Variants in RSPO2 observed in about 807,000 individuals in gnomAD.
RSPO2 encodes R-spondin 2.
RSPO2 carries 14 observed loss-of-function variants against 30.9 expected under a neutral mutation model. The observed-to-expected ratio is 0.45, with a 90% confidence interval of 0.30 to 0.71. The LOEUF (loss-of-function observed/expected upper bound fraction) is 0.71. Among genes scored for constraint, RSPO2 ranks in the 30% least tolerant of loss-of-function variants. The pLI is 0.08. For synonymous variants in RSPO2, 107 were observed against 96.4 expected, an observed-to-expected ratio of 1.11 and a Z score of -0.64; for missense variants, 264 against 301.9, an observed-to-expected ratio of 0.87 and a Z score of 0.93.
intron 5 of RSPO2, among the ~76,000 whole-genome samples, chr8:107,917,886 T>G (rs1198373314): frequency 6.6e-6 from 1 of 152,204 alleles, no homozygotes; most frequent in Non-Finnish European, 1.5e-5. Flanking sequence ...ATGGCTGTTT[T>G]GTCCTCCACA....
At chr8:107,918,778 A>G (rs1256125294) in intron 5 of RSPO2, among the ~76,000 whole-genome samples, 1 of 152,144 alleles carries the variant, frequency 6.6e-6, no homozygotes, top group African/African-American at 2.4e-5. Flanking sequence ...GTACAATAAG[A>G]CTATAGTTTA....
chr8:108,065,325 A>T (rs969727906), intron 2 of RSPO2, among the ~76,000 whole-genome samples: 4 of 151,028 alleles, frequency 2.6e-5, no homozygotes, highest in Admixed American at 2.6e-4. Flanking sequence ...CTACGAAGGC[A>T]CTTTACTAGT....
chr8:108,027,120 C>T (rs1398513505), intron 2 of RSPO2, among the ~76,000 whole-genome samples: 1 of 152,158 alleles, frequency 6.6e-6, no homozygotes, highest in African/African-American at 2.4e-5. Context: ...CAGATTTCTA[C>T]ATCACTTCTA....
At chr8:108,020,471 C>T (rs1324140145) in intron 2 of RSPO2, among the ~76,000 whole-genome samples, 1 of 152,192 alleles carries the variant, frequency 6.6e-6, no homozygotes, top group Non-Finnish European at 1.5e-5. Flanking sequence ...AGTCTAGTCT[C>T]AAGTCTGAGC....
intron 2 of RSPO2, among the ~76,000 whole-genome samples, chr8:108,076,342 G>C (rs577781990): frequency 6.6e-6 from 1 of 152,306 alleles, no homozygotes; most frequent in East Asian, 1.9e-4. Flanking sequence ...GGGTTTATTA[G>C]CAGAGAAGTA....
chr8:108,010,118 G>A (rs1810652805), intron 2 of RSPO2, among the ~76,000 whole-genome samples: 1 of 151,694 alleles, frequency 6.6e-6, no homozygotes, highest in African/African-American at 2.4e-5. Context: ...AAAAACCAGA[G>A]ACAAAAAAAG....
intron 2 of RSPO2, among the ~76,000 whole-genome samples, chr8:108,074,691 T>A (rs1488566184): frequency 6.6e-6 from 1 of 152,212 alleles, no homozygotes; most frequent in Non-Finnish European, 1.5e-5. Flanking sequence ...GGAATTTCTT[T>A]TCTTTGAATT....
At chr8:107,921,353 A>T (rs1812164888) in intron 5 of RSPO2, among the ~76,000 whole-genome samples, 2 of 151,922 alleles carry the variant, frequency 1.3e-5, no homozygotes, top group South Asian at 4.1e-4. Context: ...TTACTCTTCC[A>T]TTGTGAGATA....
At chr8:107,932,669 G>A (rs1229323691) in intron 5 of RSPO2, among the ~76,000 whole-genome samples, 2 of 151,992 alleles carry the variant, frequency 1.3e-5, no homozygotes, top group Non-Finnish European at 2.9e-5. Flanking sequence ...AATACAAGTC[G>A]GTACAATGTT....
chr8:107,958,653 G>T (rs985435635), intron 4 of RSPO2, among the ~76,000 whole-genome samples: 2 of 152,092 alleles, frequency 1.3e-5, no homozygotes, highest in Admixed American at 1.3e-4. Flanking sequence ...CAGGTATTAA[G>T]CCCAGCATCC....
chr8:108,044,069 GA>G (rs1040858186), intron 2 of RSPO2, among the ~76,000 whole-genome samples: 1 of 151,400 alleles, frequency 6.6e-6, no homozygotes, highest in African/African-American at 2.4e-5. Flanking sequence ...CAAGCTCCAT[GA>G]AAAGCTTATT....
Position 107,989,092 on chromosome 8 carries a change from A to G in RSPO2, c.247T>C (p.Tyr83His), listed in dbSNP as rs1814755326. 1 of 1,609,520 alleles carries G rather than the reference A, an allele frequency of 6.2e-7. No homozygotes were observed. The highest frequency in any genetic ancestry group is 2.0e-4 in the Middle Eastern group (1 of 4,960). Residue 83 changes from tyrosine to histidine, a missense_variant, in exon 3 of 6, where the codon TAT becomes CAT. Transcript: ENST00000276659. ...ECLHSCPSGY[Y>H]GHRAPDMNRC... The stretch of plus-strand genomic sequence containing the variant: ...TTCATATCTGGGGCTCGGTGTCCAT[A>G]GTACCCGGATGGGCAGGAATGCAGG...
Position 107,976,690 on chromosome 8 carries a change from C to A in RSPO2, c.283+12366G>T, listed in dbSNP as rs116569394. ...CATTGTTAAAGAGTAATTTAAGGCA[C>A]CTGTCCAACCTCTAACCTGGAAGCC... On this transcript the variant is annotated intron_variant, in intron 3 of 5. Transcript: ENST00000276659. 8.8e-4 allele frequency among the ~76,000 whole-genome samples: 134 copies of A among 152,290 alleles called. 1 individual carries two copies. The highest frequency in any genetic ancestry group is 3.4e-3 in the Middle Eastern group (1 of 294).
chr8:107,970,340 T>TAAG (rs1813952506), intron 3 of RSPO2, among the ~76,000 whole-genome samples: 2 of 152,328 alleles, frequency 1.3e-5, no homozygotes, highest in African/African-American at 4.8e-5. Flanking sequence ...TGCAAGCTAT[T>TAAG]CTTAGCTTAA....
chr8:107,989,140 C>G lies in RSPO2; in HGVS notation c.199G>C (p.Gly67Arg), dbSNP rs778172689. The G allele has an allele frequency of 6.2e-7, 1 of 1,612,516 alleles. No homozygotes were observed. The change falls in exon 3 of 6, where the codon GGG becomes CGG. Residue 67 changes from glycine (G) to arginine (R), a missense_variant. Gly to Arg is a moderately radical substitution (Grantham distance 125). Coordinates refer to ENST00000276659, the MANE Select transcript of RSPO2 (RefSeq NM_178565.5). ...AGGCACTCTCCATACTGGCGCATCC[C>G]TTCTCTTCGAAGGAAGAAGAACAAC... Reference protein sequence around the residue: ...QKLFFFLRREGMRQYGECLHS... With the variant: ...QKLFFFLRRERMRQYGECLHS...
intron 2 of RSPO2, among the ~76,000 whole-genome samples, chr8:108,068,656 T>G (rs1812744453): frequency 6.6e-6 from 1 of 152,184 alleles, no homozygotes; most frequent in East Asian, 1.9e-4. Context: ...TAACATTAGG[T>G]TATTAAGGTG....
chr8:108,013,832 A>G (rs1810784380), intron 2 of RSPO2, among the ~76,000 whole-genome samples: 1 of 152,238 alleles, frequency 6.6e-6, no homozygotes, highest in Non-Finnish European at 1.5e-5. Flanking sequence ...AACGGCAACA[A>G]AAGCCAAATT....
chr8:107,917,789 A>G (rs537886080), intron 5 of RSPO2, among the ~76,000 whole-genome samples: 13 of 152,288 alleles, frequency 8.5e-5, no homozygotes, highest in African/African-American at 3.1e-4. Context: ...CTGATGACTT[A>G]GTGTATGTCA....
chr8:107,900,276 T>C lies in RSPO2; in HGVS notation c.*799A>G, dbSNP rs1811403576. ...TGCAAACTCTTTGACACTGGTCATT[T>C]GACTCTATATACAAAAACTAGTTTA... On this transcript the variant is annotated 3_prime_UTR_variant, in exon 6 of 6. Transcript: ENST00000276659. 6.6e-6 allele frequency: 1 copy of C among 152,156 alleles called. No individual in the cohort carries two copies. The highest frequency in any genetic ancestry group is 6.5e-5 in the Admixed American group (1 of 15,286). The allele number at this position is 152,156 out of a possible 1,614,324, so 9.4% of individuals were successfully genotyped here.
Sources: gnomAD v4.1 joint callset for allele counts (sites outside exome capture counted in the v4.1 genomes callset) on GRCh38, gnomAD v4.1.1 for gene constraint, MANE v1.5 for transcripts, NCBI Gene and HGNC (gene_info 2026-07-23, HGNC 2026-07-21) for gene names.